Variants in STPG2 observed in about 807,000 individuals in gnomAD.
STPG2 encodes the protein sperm tail PG-rich repeat containing 2.
In STPG2, 56 loss-of-function variants were observed where a neutral mutation model predicts 54.2. The observed-to-expected ratio is 1.03, with a 90% CI of 0.83 to 1.29. The LOEUF (loss-of-function observed/expected upper bound fraction) is 1.29. Ranked by LOEUF, STPG2 falls within the 50% of genes most tolerant of loss-of-function variation. The pLI is 0.00. For missense variants in STPG2, 596 were observed against 544.9 expected (o/e 1.09, Z -0.93); for synonymous variants, 200 against 181.8 (o/e 1.10, Z -0.81).
At chr4:97,791,042 T>C (rs1322363045) in intron 9 of STPG2, among the ~76,000 whole-genome samples, 4 of 152,188 alleles carry the variant, frequency 2.6e-5, no homozygotes, top group African/African-American at 4.8e-5. Flanking sequence ...GTTCAGTTTA[T>C]GTCCCTACTC....
chr4:97,594,827 G>A (rs1733240122), intron 10 of STPG2, among the ~76,000 whole-genome samples: 1 of 152,182 alleles, frequency 6.6e-6, no homozygotes. Context: ...AAGATTGGGA[G>A]CATATATTCA....
At chr4:97,736,023 A>G (rs2149030800) in intron 9 of STPG2, among the ~76,000 whole-genome samples, 1 of 152,362 alleles carries the variant, frequency 6.6e-6, no homozygotes, top group African/African-American at 2.4e-5. Context: ...GATGGCAAAT[A>G]CCAAAAAGAT....
chr4:97,819,899 C>T (rs1728029455), intron 9 of STPG2, among the ~76,000 whole-genome samples: 1 of 151,948 alleles, frequency 6.6e-6, no homozygotes, highest in African/African-American at 2.4e-5. Flanking sequence ...TACTCAAATA[C>T]AGGCATACCT....
At chr4:98,089,831 GTTAT>G (rs943266953) in intron 5 of STPG2, among the ~76,000 whole-genome samples, 6 of 151,496 alleles carry the variant, frequency 4.0e-5, no homozygotes, top group East Asian at 1.9e-4. Context: ...ATGTTTGTTG[GTTAT>G]TTGTCTATCT....
At chr4:98,067,138 G>A (rs1737859548) in intron 5 of STPG2, among the ~76,000 whole-genome samples, 1 of 152,140 alleles carries the variant, frequency 6.6e-6, no homozygotes, top group Non-Finnish European at 1.5e-5. Flanking sequence ...AACAATTAGT[G>A]TAGTTCTCTA....
intron 8 of STPG2, among the ~76,000 whole-genome samples, chr4:97,892,009 C>T (rs558108810): frequency 5.3e-5 from 8 of 152,092 alleles, no homozygotes; most frequent in Non-Finnish European, 1.2e-4. Flanking sequence ...TGGTACCCCA[C>T]TCCAGTGCTC....
intron 5 of STPG2, among the ~76,000 whole-genome samples, chr4:98,020,593 G>A (rs1736146905): frequency 6.6e-6 from 1 of 152,162 alleles, no homozygotes; most frequent in African/African-American, 2.4e-5. Flanking sequence ...AGAAGGAATG[G>A]TACCAGCTCC....
chr4:97,885,808 T>C (rs1488031804), intron 8 of STPG2, among the ~76,000 whole-genome samples: 1 of 152,170 alleles, frequency 6.6e-6, no homozygotes, highest in Non-Finnish European at 1.5e-5. Context: ...CCCATGCATA[T>C]TGTGGTACAA....
At chr4:98,008,502 G>GGTTTTATAAATAGTTT (rs1560633014) in intron 5 of STPG2, among the ~76,000 whole-genome samples, 18 of 141,578 alleles carry the variant, frequency 1.3e-4, no homozygotes, top group African/African-American at 4.2e-4. Flanking sequence ...ACAAACAGAA[G>GGTTTTATAAATAGTTT]TATAAAAACT....
chr4:97,965,171 A>G (rs886304590), intron 7 of STPG2, among the ~76,000 whole-genome samples: 3 of 152,164 alleles, frequency 2.0e-5, no homozygotes, highest in African/African-American at 7.2e-5. Context: ...TTAGCAACCG[A>G]CAGACCAGGA....
intron 9 of STPG2, among the ~76,000 whole-genome samples, chr4:97,764,185 T>C (rs1296553566): frequency 6.6e-6 from 1 of 150,612 alleles, no homozygotes; most frequent in Non-Finnish European, 1.5e-5. Context: ...CACATGCACA[T>C]GCAGAGTGAA....
chr4:97,929,499 T>A (rs182070054), intron 8 of STPG2, among the ~76,000 whole-genome samples: 1 of 152,334 alleles, frequency 6.6e-6, no homozygotes, highest in Non-Finnish European at 1.5e-5. Context: ...ACCAACACTC[T>A]ACAAGCATTC....
intron 4 of STPG2, among the ~76,000 whole-genome samples, chr4:97,443,591 C>T (rs944666450): frequency 6.6e-6 from 1 of 151,930 alleles, no homozygotes; most frequent in Non-Finnish European, 1.5e-5. Flanking sequence ...AGGTTATACT[C>T]TAAAAATATG....
intron 8 of STPG2, among the ~76,000 whole-genome samples, chr4:97,923,155 G>A (rs1678937860): frequency 6.6e-6 from 1 of 152,264 alleles, no homozygotes; most frequent in Admixed American, 6.5e-5. Context: ...CTCTGGCCAT[G>A]CTTGAGGAGC....
rs1462637347 is a variant in STPG2, at chr4:98,105,712, T to G, written c.612+241A>C. Among the ~76,000 whole-genome samples, 6 of 152,222 alleles carry G rather than the reference T, an allele frequency of 3.9e-5. 1 individual carries two copies. The East Asian group carries it at 1.2e-3, about 29-fold the overall frequency. On this transcript the variant is annotated intron_variant, in intron 5 of 10. Coordinates refer to ENST00000295268, the MANE Select transcript of STPG2 (RefSeq NM_174952.3). ...TTTTGTGTTCTACCCTTTGTTTCAT[T>G]TTTCTTGCATTTAAATCATTTAAAA...
intron 1 of STPG2, among the ~76,000 whole-genome samples, chr4:98,138,320 C>T (rs928658340): frequency 2.6e-5 from 4 of 151,844 alleles, no homozygotes; most frequent in Non-Finnish European, 4.4e-5. Flanking sequence ...GTGCTAACTA[C>T]AAATTATAAA....
intron 10 of STPG2, among the ~76,000 whole-genome samples, chr4:97,662,641 A>T (rs180978503): frequency 2.0e-5 from 3 of 152,338 alleles, no homozygotes; most frequent in African/African-American, 7.2e-5. Context: ...TTGGATTTTT[A>T]AAATGTGGTA....
At chr4:97,510,073 T>C (rs954435563) in intron 4 of STPG2, among the ~76,000 whole-genome samples, 1 of 152,064 alleles carries the variant, frequency 6.6e-6, no homozygotes, top group South Asian at 2.1e-4. Flanking sequence ...CCCAGGATTA[T>C]GTCTGTGATA....
chr4:98,028,597 T>A (rs2149297995), intron 5 of STPG2, among the ~76,000 whole-genome samples: 1 of 152,330 alleles, frequency 6.6e-6, no homozygotes, highest in Admixed American at 6.5e-5. Flanking sequence ...TTTTTAGAGA[T>A]ATGAATAAAT....
Sources: allele counts gnomAD v4.1 joint callset (sites outside exome capture counted in the v4.1 genomes callset), GRCh38; gene constraint gnomAD v4.1.1; transcripts MANE v1.5; gene names NCBI Gene and HGNC (gene_info 2026-07-23, HGNC 2026-07-21).